Variants in SNAPC4 observed in about 807,000 individuals in gnomAD.
SNAPC4 encodes the protein small nuclear RNA activating complex polypeptide 4.
A neutral mutation model predicts 151.3 loss-of-function variants in SNAPC4; 127 were observed. That is an observed-to-expected ratio of 0.84 (90% CI 0.73 to 0.97). SNAPC4 has a LOEUF of 0.97. Ranked by LOEUF, SNAPC4 falls within the 50% of genes least tolerant of loss-of-function variation. The pLI is 0.00. For missense variants in SNAPC4, 2,186 were observed against 1,935.0 expected (o/e 1.13, Z -2.43); for synonymous variants, 1,002 against 824.4 (o/e 1.22, Z -3.69).
At chr9:136,382,394 C>G (rs1833732563) in intron 16 of SNAPC4, 58 bp from the exon 17 acceptor site, 1 of 1,418,208 alleles carries the variant, frequency 7.1e-7, no homozygotes, top group African/African-American at 1.4e-5. Context: ...CATGGGGGCC[C>G]TCCCCTCGCT....
chr9:136,395,850 T>TG, intron 3 of SNAPC4, 80 bp from the exon 4 acceptor site: 1 of 1,397,026 alleles, frequency 7.2e-7, no homozygotes, highest in Non-Finnish European at 9.8e-7. Flanking sequence ...CGCCCATCGC[T>TG]GGGCCTCTGG....
chr9:136,395,866 C>T (rs1202469644), intron 3 of SNAPC4, 96 bp from the exon 4 acceptor site: 7 of 1,246,524 alleles, frequency 5.6e-6, no homozygotes, highest in Non-Finnish European at 7.9e-6. Flanking sequence ...TCTGGGACAC[C>T]GAGGCAGCTC....
chr9:136,395,799 C>A (rs4498662), intron 3 of SNAPC4, 29 bp from the exon 4 acceptor site: 1 of 1,599,792 alleles, frequency 6.3e-7, no homozygotes, highest in Non-Finnish European at 8.5e-7. Flanking sequence ...TGGCATGTGA[C>A]GAGATGAGAC....
At position 136,383,430 on chromosome 9, in the gene SNAPC4, C is replaced by T; in HGVS notation, c.1739G>A (p.Ser580Asn). ...CCCTGCCCCTCCTCTCCATGGCTGG[C>T]TGGTGCTCTGCCTGGCAGGAACCCA... ...DLWVPARQST[S>N]QPWRGGAGAW... Residue 580 changes from serine (S) to asparagine (N), a missense_variant, in exon 16 of 24, where the codon AGC becomes AAC. Ser to Asn is a conservative substitution (Grantham distance 46). Coordinates refer to ENST00000684778, the MANE Select transcript of SNAPC4 (RefSeq NM_003086.4). The surrounding 1 kb of genome is among the most constrained non-coding windows in gnomAD (Gnocchi z 4.2). 6.4e-7 allele frequency: 1 copy of T among 1,564,106 alleles called. No individual in the cohort carries two copies. The highest frequency in any genetic ancestry group is 8.7e-7 in the Non-Finnish European group (1 of 1,154,394).
intron 2 of SNAPC4, among the ~76,000 whole-genome samples, chr9:136,398,087 T>C (rs949134220): frequency 1.3e-5 from 2 of 152,036 alleles, no homozygotes; most frequent in African/African-American, 2.4e-5. Context: ...TTATTATTAT[T>C]TTTAGAGACA....
At chr9:136,392,500 C>T (rs1459232704) in intron 9 of SNAPC4, 22 bp downstream of exon 9, 1 of 1,612,056 alleles carries the variant, frequency 6.2e-7, no homozygotes, top group Non-Finnish European at 8.5e-7. Flanking sequence ...CTGCTTGGGG[C>T]TCAGACCTGC....
Position 136,398,402 on chromosome 9 carries a change from C to G in SNAPC4, c.27G>C (p.Lys9Asn), listed in dbSNP as rs528737933. The G allele has an allele frequency of 3.7e-6, 6 of 1,613,754 alleles. No homozygotes were observed. In the South Asian group the frequency reaches 5.5e-5, roughly 15 times the overall value. ...CCAGCTCCTTGATCTCCTGTGTTAT[C>G]TTCTCTCTTTCAGCATCTACATCCA... MDVDAERE[K>N]ITQEIKELER... Residue 9 changes from lysine to asparagine, a missense_variant, in exon 2 of 24, where the codon AAG (lysine) becomes AAC (asparagine). By Grantham distance (94) the Lys-to-Asn change is moderately conservative (BLOSUM62 0). Transcript: ENST00000684778.
chr9:136,379,382 A>T, intron 21 of SNAPC4, 83 bp from the exon 22 acceptor site: 1 of 1,577,686 alleles, frequency 6.3e-7, no homozygotes, highest in Non-Finnish European at 8.6e-7. Flanking sequence ...CCTCATCAGG[A>T]GGGACCATGT....
intron 13 of SNAPC4, among the ~76,000 whole-genome samples, 170 bp downstream of exon 13, chr9:136,387,315 A>G (rs1195123143): frequency 6.6e-6 from 1 of 152,206 alleles, no homozygotes; most frequent in Non-Finnish European, 1.5e-5. Flanking sequence ...CAACCCTGGC[A>G]AGCAAGCGCC....
rs201301446 is a variant in SNAPC4 at position 136,377,720 on chromosome 9, C to T, written c.4107G>A (p.Leu1369=). The T allele has an allele frequency of 4.3e-5, 69 of 1,609,012 alleles. No individual in the cohort carries two copies. The African/African-American group carries it at 6.7e-4, about 16-fold the overall frequency. The stretch of plus-strand genomic sequence containing the variant: ...GGAGCGCAGGGAGGGTGAAGGCTGC[C>T]AGGAACCGCGCCCGCAACAGGAGGT... The part of the protein sequence containing the change: ...PAYLLLRARF[L]AAFTLPALLA... The change falls in exon 22 of 24, where the codon CTG becomes CTA. Residue 1369 remains leucine, a synonymous_variant. Transcript: ENST00000684778.
At position 136,382,083 on chromosome 9, in the gene SNAPC4, G is replaced by A; in HGVS notation, c.2068-10C>T. 6.4e-7 allele frequency: 1 copy of A among 1,574,118 alleles called. No homozygotes were observed. The highest frequency in any genetic ancestry group is 8.6e-7 in the Non-Finnish European group (1 of 1,159,342). ...GCCTCAGCTGCTCTTTCTGTAAGGAGAAGGCAGCACCTGGGGCCCATGGCC... is the reference window on the plus strand; with the variant it reads ...GCCTCAGCTGCTCTTTCTGTAAGGAAAAGGCAGCACCTGGGGCCCATGGCC... On this transcript the variant is annotated splice_polypyrimidine_tract_variant and intron_variant, in intron 17 of 23. Coordinates refer to ENST00000684778, the MANE Select transcript of SNAPC4 (RefSeq NM_003086.4).
chr9:136,397,146 G>C, intron 2 of SNAPC4, 123 bp from the exon 3 acceptor site: 1 of 863,396 alleles, frequency 1.2e-6, no homozygotes, highest in South Asian at 1.3e-5. Context: ...CTCAGGCTGA[G>C]GCTGGCGGTG....
At position 136,398,409 on chromosome 9, in the gene SNAPC4, C is replaced by T; in HGVS notation, c.20G>A (p.Arg7Lys). Residue 7 changes from arginine (R) to lysine (K), a missense_variant, in exon 2 of 24, where the codon AGA becomes AAA. Transcript: ENST00000684778. MDVDAE[R>K]EKITQEIKEL... is the part of the protein sequence containing the mutation. ...CTTGATCTCCTGTGTTATCTTCTCT[C>T]TTTCAGCATCTACATCCATGACTCC... The T allele has an allele frequency of 6.2e-7, 1 of 1,613,692 alleles. No homozygotes were observed. The highest frequency in any genetic ancestry group is 8.5e-7 in the Non-Finnish European group (1 of 1,179,652).
At position 136,390,418 on chromosome 9, in the gene SNAPC4, G is replaced by C. The variant is rs1418696433; in HGVS notation, c.975+1524C>G. Among the ~76,000 whole-genome samples the C allele has an allele frequency of 1.3e-5, 2 of 151,936 alleles. 1 individual carries two copies. The highest frequency in any genetic ancestry group is 4.8e-5 in the African/African-American group (2 of 41,366). ...AAAATACAAAAAATTAGCCGGGCGT[G>C]GTGGTGGGCGCCTGTAGTCCCAGCT... On this transcript the variant is annotated intron_variant, in intron 10 of 23. Transcript: ENST00000684778.
rs199818326 is a variant in SNAPC4 at position 136,394,785 on chromosome 9, G to T, written c.550+15C>A. On this transcript the variant is annotated intron_variant, in intron 6 of 23. Transcript: ENST00000684778. ...CCAAGCTCAGGGGTGCCGCAGGGCC[G>T]GCCAGGGCTCTTACATTTGGTCACA... The T allele has an allele frequency of 2.5e-6, 4 of 1,612,668 alleles. No individual in the cohort carries two copies. The East Asian group carries it at 6.7e-5, about 27-fold the overall frequency.
chr9:136,398,260 C>T, intron 2 of SNAPC4, 39 bp downstream of exon 2: 1 of 1,587,314 alleles, frequency 6.3e-7, no homozygotes, highest in Non-Finnish European at 8.6e-7. Flanking sequence ...ACCAGCTGTT[C>T]TTACCAGGAC....
At chr9:136,381,431 TC>T in intron 18 of SNAPC4, 39 bp from the exon 19 acceptor site, 1 of 1,555,058 alleles carries the variant, frequency 6.4e-7, no homozygotes, top group African/African-American at 1.4e-5. Context: ...CAGCCCCAGC[TC>T]CCATGGGCAC....
chr9:136,378,639 A>G lies in SNAPC4; in HGVS notation c.3188T>C (p.Ile1063Thr), dbSNP rs1833563306. ...LPVQPLSLTH[I>T]GGPHVATSVP... is the part of the protein sequence containing the mutation. ...ACTGGTCGCCACATGTGGCCCTCCT[A>G]TGTGCGTCAGGCTGAGGGGCTGGAC... Residue 1063 changes from isoleucine (I) to threonine (T), a missense_variant, in exon 22 of 24, where the codon ATA becomes ACA. By Grantham distance (89) the Ile-to-Thr change is moderately conservative. Coordinates refer to ENST00000684778, the MANE Select transcript of SNAPC4 (RefSeq NM_003086.4). 1 of 1,438,188 alleles carries G rather than the reference A, an allele frequency of 7.0e-7. No homozygotes were observed. The highest frequency in any genetic ancestry group is 9.2e-7 in the Non-Finnish European group (1 of 1,083,016). The allele number at this position is 1,438,188 out of a possible 1,614,324, so 89.1% of individuals were successfully genotyped here. A position where few individuals can be genotyped will look rare whatever the true frequency, so the allele number is the denominator to read the frequency against.
In SNAPC4 at chr9:136,379,882, G is replaced by T; in HGVS notation, c.2500-18C>A. ...GAGGATGCCTGGAAATGAAAGAGAG[G>T]AGAGTCAGCAGCTCAGGTGTCCTCT... On this transcript the variant is annotated intron_variant, in intron 20 of 23. Coordinates refer to ENST00000684778, the MANE Select transcript of SNAPC4 (RefSeq NM_003086.4). 2 of 1,611,362 alleles carry T rather than the reference G, an allele frequency of 1.2e-6. No homozygotes were observed. The highest frequency in any genetic ancestry group is 1.7e-6 in the Non-Finnish European group (2 of 1,178,786).
Sources: allele counts gnomAD v4.1 joint callset (sites outside exome capture counted in the v4.1 genomes callset), GRCh38; gene constraint gnomAD v4.1.1; non-coding constraint Gnocchi (gnomAD v3.1); transcripts MANE v1.5; gene names NCBI Gene and HGNC (gene_info 2026-07-23, HGNC 2026-07-21).